The following DNAH10 variants were observed in gnomAD, a reference collection of about 807,000 sequenced individuals.
DNAH10 encodes the protein dynein axonemal heavy chain 10.
Under a neutral mutation model 506.6 loss-of-function variants are expected in DNAH10, and 348 were observed. The ratio of observed to expected loss-of-function variants is 0.69; its 90% CI spans 0.63 to 0.75. DNAH10 has a LOEUF of 0.75. Ranked by LOEUF, DNAH10 falls within the 30% of genes least tolerant of loss-of-function variation. The pLI is 0.00. For synonymous variants in DNAH10, 2,059 were observed against 2,198.6 expected (o/e 0.94, Z 1.78); for missense variants, 5,179 against 5,787.1 (o/e 0.89, Z 3.41).
At chr12:123,774,872 G>T (rs1012792547) in intron 5 of DNAH10, among the ~76,000 whole-genome samples, 9 of 152,226 alleles carry the variant, frequency 5.9e-5, no homozygotes, top group Admixed American at 1.3e-4. Flanking sequence ...TTTGTGGCCA[G>T]ATTTTGGGGT....
In DNAH10 at chr12:123,783,888, A is replaced by G. The variant is rs114102316; in HGVS notation, c.1000-59A>G. On this transcript the variant is annotated intron_variant, in intron 7 of 78. Transcript: ENST00000673944. The stretch of plus-strand genomic sequence containing the variant: ...AAGAACGGATGCTGGAGAAACCACC[A>G]TAAGTGTCTGCTCCACCCTAATAAT... The G allele has an allele frequency of 3.1e-3, 4,607 of 1,480,432 alleles. 100 individuals are homozygous for G. In the African/African-American group the frequency reaches 0.05, roughly 16 times the overall value. 91.7% of individuals were successfully genotyped at this position (1,480,432 alleles called of 1,614,324 possible). A position where few individuals can be genotyped will look rare whatever the true frequency, so the allele number is the denominator to read the frequency against.
rs915388923 is a variant in DNAH10 at position 123,921,160 on chromosome 12, G to GT, written c.11506+2212dup. On this transcript the variant is annotated intron_variant, in intron 65 of 78. Transcript: ENST00000673944. The stretch of plus-strand genomic sequence containing the variant: ...AATTTTGTGCTCGCCTCTCTGTAGT[G>GT]TGTCATTGGAGGAACTCTCAAATGC... Among the ~76,000 whole-genome samples, 40 of 152,300 alleles carry GT rather than the reference G, an allele frequency of 2.6e-4. 1 individual carries two copies. The highest frequency in any genetic ancestry group is 8.7e-4 in the African/African-American group (36 of 41,560).
intron 51 of DNAH10, among the ~76,000 whole-genome samples, chr12:123,886,427 G>A (rs1262887603): frequency 6.6e-6 from 1 of 152,188 alleles, no homozygotes. Context: ...AGGCAGAACT[G>A]GAGACCAGAG....
rs373334706 is a variant in DNAH10, at chr12:123,918,885, C to T, written c.11442C>T (p.Leu3814=). The part of the protein sequence containing the change: ...SLKKSLPDSI[L]MKRLRNIMDT... ...AGAAGTCGCTGCCTGATTCCATCCTCATGAAACGCCTGAGGAACATCATGG... is the reference window on the plus strand; with the variant it reads ...AGAAGTCGCTGCCTGATTCCATCCTTATGAAACGCCTGAGGAACATCATGG... The change falls in exon 65 of 79, where the codon CTC becomes CTT. Residue 3814 remains leucine (L), a synonymous_variant. Transcript: ENST00000673944. 14 of 1,613,904 alleles carry T rather than the reference C, an allele frequency of 8.7e-6. No individual in the cohort carries two copies. Among genetic ancestry groups the T allele is most frequent in the Non-Finnish European group, 1.2e-5 (14 of 1,179,884 alleles).
intron 24 of DNAH10, 106 bp downstream of exon 24, chr12:123,820,864 G>A (rs1431875018): frequency 7.6e-7 from 1 of 1,309,868 alleles, no homozygotes; most frequent in Non-Finnish European, 1.1e-6. Context: ...GCTTGGGTCT[G>A]ACGTTGTGGA....
chr12:123,812,319 T>C (rs988999771), intron 19 of DNAH10, among the ~76,000 whole-genome samples: 33 of 151,680 alleles, frequency 2.2e-4, no homozygotes, highest in Admixed American at 2.0e-3. Flanking sequence ...GATGTGGGGG[T>C]GGGTGCCTAT....
At chr12:123,898,885 G>A in intron 56 of DNAH10, 71 bp downstream of exon 56, 4 of 1,488,986 alleles carry the variant, frequency 2.7e-6, no homozygotes, top group Non-Finnish European at 3.6e-6. Context: ...TGAGGGCGGG[G>A]CCAGGGCAGC....
chr12:123,910,681 C>A lies in DNAH10; in HGVS notation c.10134+9C>A. On this transcript the variant is annotated intron_variant, in intron 59 of 78. Coordinates refer to ENST00000673944, the MANE Select transcript of DNAH10 (RefSeq NM_001372106.1). ...AGCCCAAAAGAGAGAAGGTATTGCC[C>A]GAATGTAAGACTGCCACACCACTGC... 1 of 1,609,650 alleles carries A rather than the reference C, an allele frequency of 6.2e-7. No individual in the cohort carries two copies. Among genetic ancestry groups the A allele is most frequent in the South Asian group, 1.1e-5 (1 of 90,944 alleles).
rs146376237 is a variant in DNAH10, at chr12:123,883,524, T to A, written c.8823+1711T>A. 6.3e-3 allele frequency among the ~76,000 whole-genome samples: 962 copies of A among 152,358 alleles called. 17 individuals are homozygous for A. The highest frequency in any genetic ancestry group is 0.022 in the African/African-American group (905 of 41,584). On this transcript the variant is annotated intron_variant, in intron 51 of 78. Transcript: ENST00000673944. ...CATTAGTTCTCTGGTATCTGACTTC[T>A]TTCACTATTAGGGTCTCCCGTTATC... is the stretch of plus-strand genomic sequence containing the variant.
At position 123,925,169 on chromosome 12, in the gene DNAH10, C is replaced by T. The variant is rs768774769; in HGVS notation, c.11886C>T (p.Ala3962=). ...RCFRVDRVYR[A]VTDYVTVTMG... is the part of the protein sequence containing the mutation. The stretch of plus-strand genomic sequence containing the variant: ...TCCGTGTGGATCGGGTCTATCGGGC[C>T]GTGACTGACTATGTGACTGTAACAA... The change falls in exon 68 of 79, where the codon GCC becomes GCT. Residue 3962 remains alanine (A), a synonymous_variant. Coordinates refer to ENST00000673944, the MANE Select transcript of DNAH10 (RefSeq NM_001372106.1). This position sits in a 1 kb window ranked among gnomAD's most constrained non-coding sequence, Gnocchi z 4.0. The T allele has an allele frequency of 1.4e-5, 23 of 1,613,416 alleles. No individual in the cohort carries two copies. The highest frequency in any genetic ancestry group is 5.5e-5 in the South Asian group (5 of 91,038).
chr12:123,843,075 C>T (rs1359341904), intron 30 of DNAH10, among the ~76,000 whole-genome samples: 1 of 152,206 alleles, frequency 6.6e-6, no homozygotes, highest in African/African-American at 2.4e-5. Context: ...CGATAGCTAC[C>T]ACTTTGCTAG....
In DNAH10 at chr12:123,935,659, T is replaced by C. The variant is rs1431510982; in HGVS notation, c.*178T>C. ...CAAATTAACCTGAATGGTTTTGTTT[T>C]TAATACTACTTTTTAAAAGGAATTT... On this transcript the variant is annotated 3_prime_UTR_variant, in exon 79 of 79. Transcript: ENST00000673944. 7 of 572,880 alleles carry C rather than the reference T, an allele frequency of 1.2e-5. No homozygotes were observed. The highest frequency in any genetic ancestry group is 2.0e-5 in the Non-Finnish European group (7 of 353,794). The allele number at this position is 572,880 out of a possible 1,614,324, so 35.5% of individuals were successfully genotyped here.
chr12:123,841,745 G>A (rs1205136299), intron 30 of DNAH10, among the ~76,000 whole-genome samples, 200 bp downstream of exon 30: 1 of 152,154 alleles, frequency 6.6e-6, no homozygotes, highest in Non-Finnish European at 1.5e-5. Flanking sequence ...CTGGAATACA[G>A]TGGTACAATG....
chr12:123,838,349 G>A (rs1961396944), intron 28 of DNAH10, 107 bp from the exon 29 acceptor site: 2 of 946,348 alleles, frequency 2.1e-6, no homozygotes, highest in Non-Finnish European at 3.2e-6. Flanking sequence ...TGTCAGTTTT[G>A]TCTCGGCCGT....
intron 5 of DNAH10, among the ~76,000 whole-genome samples, chr12:123,775,923 A>G (rs1358744074): frequency 1.3e-5 from 2 of 152,168 alleles, no homozygotes; most frequent in Non-Finnish European, 2.9e-5. Flanking sequence ...GGAAACTTAA[A>G]ATCATGGTGG....
rs751868475 is a variant in DNAH10 at position 123,787,758 on chromosome 12, C to A, written c.1422-46C>A. 13 of 1,586,330 alleles carry A rather than the reference C, an allele frequency of 8.2e-6. No homozygotes were observed. The highest frequency in any genetic ancestry group is 1.1e-5 in the Non-Finnish European group (13 of 1,167,288). ...CCCAGCCGGGGAGTGCGGCTCGGAC[C>A]CGGAGCTCCGCCCTCCTCCCATCAC... On this transcript the variant is annotated intron_variant, in intron 9 of 78. Transcript: ENST00000673944. The surrounding 1 kb of genome is among the most constrained non-coding windows in gnomAD (Gnocchi z 4.6).
chr12:123,935,096 G>A (rs1955429968), intron 78 of DNAH10: 1 of 599,680 alleles, frequency 1.7e-6, no homozygotes. Flanking sequence ...CGCTGGTGTG[G>A]ACAGCAGATG....
intron 25 of DNAH10, among the ~76,000 whole-genome samples, chr12:123,828,909 G>C (rs1464202777): frequency 6.6e-6 from 1 of 152,172 alleles, no homozygotes; most frequent in East Asian, 1.9e-4. Context: ...GGACTGGGCG[G>C]GAACTGGAGA....
chr12:123,827,922 C>T (rs898696345), intron 25 of DNAH10, among the ~76,000 whole-genome samples: 1 of 152,150 alleles, frequency 6.6e-6, no homozygotes, highest in Non-Finnish European at 1.5e-5. Context: ...TCAGTTTCCT[C>T]ATCTGTAAAA....
Sources: gnomAD v4.1 joint callset for allele counts (sites outside exome capture counted in the v4.1 genomes callset) on GRCh38, gnomAD v4.1.1 for gene constraint, Gnocchi (gnomAD v3.1) non-coding constraint, MANE v1.5 for transcripts, NCBI Gene and HGNC (gene_info 2026-07-23, HGNC 2026-07-21) for gene names.